MIGA2: variants seen among roughly 807,000 people sequenced by gnomAD.
MIGA2 encodes the protein family with sequence similarity 73, member B.
In MIGA2, 36 loss-of-function variants were observed where a neutral mutation model predicts 69.9. The ratio of observed to expected loss-of-function variants is 0.52; its 90% CI spans 0.39 to 0.68. The LOEUF is 0.68. Among genes scored for constraint, MIGA2 ranks in the 30% least tolerant of loss-of-function variants. MIGA2 has a pLI of 0.00. For synonymous variants in MIGA2, 333 were observed against 349.2 expected, an observed-to-expected ratio of 0.95 and a Z score of 0.52; for missense variants, 660 against 787.7, an observed-to-expected ratio of 0.84 and a Z score of 1.94.
At chr9:129,046,242 C>T (rs1277527140) in intron 3 of MIGA2, among the ~76,000 whole-genome samples, 1 of 152,138 alleles carries the variant, frequency 6.6e-6, no homozygotes, top group East Asian at 1.9e-4. Flanking sequence ...TCCTGGGAAA[C>T]CTGGAGTCAT....
In MIGA2 at chr9:129,068,463, G is replaced by A; in HGVS notation, c.1404+131G>A. ...CACCCCCTAGATCCGCGGCTGCCAG[G>A]CCTGGGAGACCAGAGTCTGCCCTGG... is the stretch of plus-strand genomic sequence containing the variant. On this transcript the variant is annotated intron_variant, in intron 13 of 15. Coordinates refer to ENST00000684074, the MANE Select transcript of MIGA2 (RefSeq NM_001329990.2). This position sits in a 1 kb window ranked among gnomAD's most constrained non-coding sequence, Gnocchi z 4.1. The A allele has an allele frequency of 7.6e-7, 1 of 1,320,806 alleles. No individual in the cohort carries two copies. 81.8% of individuals were successfully genotyped at this position (1,320,806 alleles called of 1,614,324 possible).
At chr9:129,067,897 A>G in intron 12 of MIGA2, 26 bp downstream of exon 12, 1 of 1,598,220 alleles carries the variant, frequency 6.3e-7, no homozygotes, top group Non-Finnish European at 8.5e-7. Context: ...CTGAACCCCG[A>G]CATCCCGGGC....
At position 129,062,531 on chromosome 9, in the gene MIGA2, C is replaced by CA. The variant is rs1161024946; in HGVS notation, c.1011-695dup. 8.2e-3 allele frequency among the ~76,000 whole-genome samples: 345 copies of CA among 41,962 alleles called. 3 individuals are homozygous for CA. Among genetic ancestry groups the CA allele is most frequent in the Admixed American group, 0.011 (41 of 3,656 alleles). 27.5% of individuals were successfully genotyped at this position (41,962 alleles called of 152,430 possible). Reference sequence around the variant, plus strand: ...TGGGCAACAGAGCGAGACTCCATCTCAAAAAAAAAAAAAAAAAAGCAAAAA... The same window carrying CA: ...TGGGCAACAGAGCGAGACTCCATCTCAAAAAAAAAAAAAAAAAAAGCAAAAA... On this transcript the variant is annotated intron_variant, in intron 9 of 15. Coordinates refer to ENST00000684074, the MANE Select transcript of MIGA2 (RefSeq NM_001329990.2).
rs968318683 is a variant in MIGA2, at chr9:129,071,435, C to T, written c.*982C>T. 3.3e-5 allele frequency: 5 copies of T among 152,330 alleles called. No individual in the cohort carries two copies. The highest frequency in any genetic ancestry group is 4.8e-5 in the African/African-American group (2 of 41,474). The allele number at this position is 152,330 out of a possible 1,614,324, so 9.4% of individuals were successfully genotyped here. On this transcript the variant is annotated 3_prime_UTR_variant, in exon 16 of 16. Coordinates refer to ENST00000684074, the MANE Select transcript of MIGA2 (RefSeq NM_001329990.2). Reference sequence around the variant, plus strand: ...AGTCCTGTTAGCAGCGACGTCCCCCCGCCGCGGGGTCCTGTCAGCCCGGCA... The same window carrying T: ...AGTCCTGTTAGCAGCGACGTCCCCCTGCCGCGGGGTCCTGTCAGCCCGGCA...
chr9:129,049,744 C>G, intron 5 of MIGA2, 83 bp from the exon 6 acceptor site: 1 of 1,600,716 alleles, frequency 6.2e-7, no homozygotes, highest in Non-Finnish European at 8.5e-7. Context: ...TCAAGGCCCT[C>G]CTGCCTCCTT....
chr9:129,042,940 A>T (rs1334137975), intron 3 of MIGA2, among the ~76,000 whole-genome samples: 2 of 152,164 alleles, frequency 1.3e-5, no homozygotes, highest in African/African-American at 4.8e-5. Context: ...CACGCCTGTA[A>T]TCCCAGCTCC....
chr9:129,050,200 A>G (rs1478470158), intron 6 of MIGA2, among the ~76,000 whole-genome samples: 3 of 152,240 alleles, frequency 2.0e-5, no homozygotes, highest in Non-Finnish European at 4.4e-5. Context: ...GTGAAGGGCA[A>G]CGTGTGGTCC....
At chr9:129,058,402 C>CAA (rs566828123) in intron 6 of MIGA2, among the ~76,000 whole-genome samples, 6 of 58,338 alleles carry the variant, frequency 1.0e-4, no homozygotes, top group Non-Finnish European at 1.1e-4. Context: ...GACCTTGTCT[C>CAA]AAAAAAAAAA....
At chr9:129,066,111 A>T (rs1174820170) in intron 11 of MIGA2, among the ~76,000 whole-genome samples, 3 of 152,306 alleles carry the variant, frequency 2.0e-5, no homozygotes, top group African/African-American at 7.2e-5. Flanking sequence ...CGGGGAGTTC[A>T]TTCGAGCCTC....
rs547094395 is a variant in MIGA2 at position 129,066,611 on chromosome 9, T to C, written c.1171-1162T>C. Among the ~76,000 whole-genome samples, 4 of 138,108 alleles carry C rather than the reference T, an allele frequency of 2.9e-5. 1 individual carries two copies. In the Admixed American group the frequency reaches 3.0e-4, roughly 10 times the overall value. The allele number at this position is 138,108 out of a possible 152,430, so 90.6% of individuals were successfully genotyped here. A position where few individuals can be genotyped will look rare whatever the true frequency, so the allele number is the denominator to read the frequency against. On this transcript the variant is annotated intron_variant, in intron 11 of 15. Coordinates refer to ENST00000684074, the MANE Select transcript of MIGA2 (RefSeq NM_001329990.2). ...ATGGCATGAACCCAGGAGGCGGAGC[T>C]TGCAGTGAGCCAAGATCACGCCACT...
intron 3 of MIGA2, among the ~76,000 whole-genome samples, chr9:129,043,156 T>A: frequency 6.6e-6 from 1 of 151,002 alleles, no homozygotes; most frequent in African/African-American, 2.4e-5. Context: ...ATTGCGCCAC[T>A]GCACTCCAGC....
intron 1 of MIGA2, among the ~76,000 whole-genome samples, chr9:129,037,472 G>A (rs1360764688): frequency 6.6e-6 from 1 of 152,188 alleles, no homozygotes; most frequent in African/African-American, 2.4e-5. Flanking sequence ...CTTGCCGTGG[G>A]CTTTTCATTG....
In MIGA2 at chr9:129,070,617, G is replaced by A. The variant is rs1217038607; in HGVS notation, c.*164G>A. Reference sequence around the variant, plus strand: ...AGGGGACATTTCCATGGAGAAGAACGGTTCCTGGGGGAAGCAGAGGCCAGG... The same window carrying A: ...AGGGGACATTTCCATGGAGAAGAACAGTTCCTGGGGGAAGCAGAGGCCAGG... On this transcript the variant is annotated 3_prime_UTR_variant, in exon 16 of 16. Coordinates refer to ENST00000684074, the MANE Select transcript of MIGA2 (RefSeq NM_001329990.2). The A allele has an allele frequency of 1.4e-5, 10 of 737,052 alleles. No homozygotes were observed. The highest frequency in any genetic ancestry group is 6.0e-5 in the South Asian group (3 of 49,992). The allele number at this position is 737,052 out of a possible 1,614,324, so 45.7% of individuals were successfully genotyped here. A position where few individuals can be genotyped will look rare whatever the true frequency, so the allele number is the denominator to read the frequency against.
intron 3 of MIGA2, among the ~76,000 whole-genome samples, chr9:129,044,097 A>G (rs1311440508): frequency 6.8e-6 from 1 of 146,344 alleles, no homozygotes; most frequent in Non-Finnish European, 1.5e-5. Context: ...GGTTTCAAGC[A>G]ATTCTCCTGC....
intron 11 of MIGA2, among the ~76,000 whole-genome samples, chr9:129,064,785 GTT>G (rs775135561): frequency 4.4e-5 from 6 of 137,506 alleles, no homozygotes; most frequent in Non-Finnish European, 3.2e-5. Context: ...GCTCAATCTT[GTT>G]TTTTTTTTTT....
Position 129,060,499 on chromosome 9 carries a change from G to A in MIGA2, c.794-51G>A. 7.0e-7 allele frequency: 1 copy of A among 1,437,696 alleles called. No individual in the cohort carries two copies. The highest frequency in any genetic ancestry group is 9.5e-7 in the Non-Finnish European group (1 of 1,048,610). 89.1% of individuals were successfully genotyped at this position (1,437,696 alleles called of 1,614,324 possible). On this transcript the variant is annotated intron_variant, in intron 7 of 15. Transcript: ENST00000684074. This position sits in a 1 kb window ranked among gnomAD's most constrained non-coding sequence, Gnocchi z 4.8. Reference sequence around the variant, plus strand: ...GACTTCGTGTACCGGGATTCCAGCTGAGCACTGTGTGGGGAGTCTCAGCCC... The same window carrying A: ...GACTTCGTGTACCGGGATTCCAGCTAAGCACTGTGTGGGGAGTCTCAGCCC...
Position 129,060,584 on chromosome 9 carries a change from G to T in MIGA2, c.828G>T (p.Ser276=), listed in dbSNP as rs1236110189. The change falls in exon 8 of 16, where the codon TCG becomes TCT. Residue 276 remains serine (S), a synonymous_variant. Coordinates refer to ENST00000684074, the MANE Select transcript of MIGA2 (RefSeq NM_001329990.2). The surrounding 1 kb of genome is among the most constrained non-coding windows in gnomAD (Gnocchi z 4.8). ...RTLMLPLTEG[S]LRLRADDEDS... ...TCATGCTGCCCCTGACCGAGGGCTC[G>T]CTGCGGCTGCGGGCGGACGATGAGG... 7 of 1,605,896 alleles carry T rather than the reference G, an allele frequency of 4.4e-6. No homozygotes were observed. Among genetic ancestry groups the T allele is most frequent in the Non-Finnish European group, 6.0e-6 (7 of 1,176,276 alleles).
At chr9:129,045,391 G>A (rs1845161151) in intron 3 of MIGA2, among the ~76,000 whole-genome samples, 1 of 134,046 alleles carries the variant, frequency 7.5e-6, no homozygotes, top group African/African-American at 2.9e-5. Context: ...GCAGTGAGCC[G>A]AGATCACACC....
chr9:129,045,150 CAAAA>C (rs543356730), intron 3 of MIGA2, among the ~76,000 whole-genome samples: 1 of 86,124 alleles, frequency 1.2e-5, no homozygotes, highest in Non-Finnish European at 2.3e-5. Flanking sequence ...GACTCTATCT[CAAAA>C]AAAAAAAAAA....
Sources: allele counts gnomAD v4.1 joint callset (sites outside exome capture counted in the v4.1 genomes callset), GRCh38; gene constraint gnomAD v4.1.1; non-coding constraint Gnocchi (gnomAD v3.1); transcripts MANE v1.5; gene names NCBI Gene and HGNC (gene_info 2026-07-23, HGNC 2026-07-21).